Variants in SGPP1 observed in about 807,000 individuals in gnomAD.
SGPP1 encodes the protein hSPP1.
A neutral mutation model predicts 33.0 loss-of-function variants in SGPP1; 21 were observed. That is an observed-to-expected ratio of 0.64 (90% CI 0.45 to 0.92). The LOEUF (loss-of-function observed/expected upper bound fraction) is 0.92, where lower values mean the gene tolerates loss of function less well. Among genes scored for constraint, SGPP1 ranks in the 40% least tolerant of loss-of-function variants. The pLI, the probability that SGPP1 is intolerant of heterozygous loss-of-function variation, is 0.00. For synonymous variants in SGPP1, 239 were observed against 241.2 expected (o/e 0.99, Z 0.08); for missense variants, 543 against 589.4 (o/e 0.92, Z 0.81).
rs114745483 is a variant in SGPP1, at chr14:63,713,115, T to C, written c.684+14146A>G. On this transcript the variant is annotated intron_variant, in intron 1 of 2. Transcript: ENST00000247225. ...TATGCTGATGACAAGAAACTGGTCC[T>C]GATCTTCATGTATAGAACCATCTCC... Among the ~76,000 whole-genome samples, 1,141 of 152,194 alleles carry C rather than the reference T, an allele frequency of 7.5e-3. 13 individuals are homozygous for C. The highest frequency in any genetic ancestry group is 0.026 in the African/African-American group (1,092 of 41,518).
intron 2 of SGPP1, among the ~76,000 whole-genome samples, chr14:63,693,019 C>G (rs1983964): frequency 4.6e-5 from 7 of 152,076 alleles, no homozygotes; most frequent in African/African-American, 1.7e-4. Context: ...ACCACAGCCT[C>G]GACTTCCTGG....
At chr14:63,689,173 T>C (rs999815499) in intron 2 of SGPP1, among the ~76,000 whole-genome samples, 1 of 152,206 alleles carries the variant, frequency 6.6e-6, no homozygotes, top group Non-Finnish European at 1.5e-5. Context: ...ATGAAATCAC[T>C]TCCCAACAAA....
intron 1 of SGPP1, among the ~76,000 whole-genome samples, chr14:63,725,174 A>G (rs1238540350): frequency 1.3e-5 from 2 of 152,200 alleles, no homozygotes; most frequent in Non-Finnish European, 2.9e-5. Flanking sequence ...GGAGTTCAAG[A>G]CCAGCTTGGC....
At chr14:63,696,045 T>C (rs1277757928) in intron 2 of SGPP1, among the ~76,000 whole-genome samples, 1 of 152,198 alleles carries the variant, frequency 6.6e-6, no homozygotes, top group Non-Finnish European at 1.5e-5. Context: ...CCCAGGACTT[T>C]GGGAGGCCGA....
At chr14:63,702,634 T>C (rs895238417) in intron 1 of SGPP1, among the ~76,000 whole-genome samples, 3 of 152,068 alleles carry the variant, frequency 2.0e-5, no homozygotes, top group African/African-American at 7.2e-5. Flanking sequence ...CGCTTGAACC[T>C]GGGAGGCAGA....
At chr14:63,694,168 G>A (rs888924576) in intron 2 of SGPP1, among the ~76,000 whole-genome samples, 23 of 151,948 alleles carry the variant, frequency 1.5e-4, no homozygotes, top group Non-Finnish European at 2.9e-4. Flanking sequence ...CAACTACTTG[G>A]GAGGCTGAAG....
At position 63,685,889 on chromosome 14, in the gene SGPP1, T is replaced by A. The variant is rs760550307; in HGVS notation, c.*216A>T. 1 of 334,028 alleles carries A rather than the reference T, an allele frequency of 3.0e-6. No individual in the cohort carries two copies. Among genetic ancestry groups the A allele is most frequent in the African/African-American group, 2.2e-5 (1 of 46,490 alleles). 20.7% of individuals were successfully genotyped at this position (334,028 alleles called of 1,614,324 possible). A position where few individuals can be genotyped will look rare whatever the true frequency, so the allele number is the denominator to read the frequency against. On this transcript the variant is annotated 3_prime_UTR_variant, in exon 3 of 3. Coordinates refer to ENST00000247225, the MANE Select transcript of SGPP1 (RefSeq NM_030791.4). The stretch of plus-strand genomic sequence containing the variant: ...ACATTACATGAACATTCTAAATGGA[T>A]ACTTATCATTTTCTCAGTAACGAAA...
chr14:63,725,534 G>A (rs556903956), intron 1 of SGPP1, among the ~76,000 whole-genome samples: 3 of 152,176 alleles, frequency 2.0e-5, no homozygotes, highest in South Asian at 2.1e-4. Flanking sequence ...TCTAACATCC[G>A]GTCTACTTCA....
chr14:63,723,436 T>C (rs549458939), intron 1 of SGPP1, among the ~76,000 whole-genome samples: 1 of 152,082 alleles, frequency 6.6e-6, no homozygotes, highest in African/African-American at 2.4e-5. Context: ...TTAAAAAAAT[T>C]CAGGCAGGGT....
chr14:63,689,074 T>C (rs1017393723), intron 2 of SGPP1, among the ~76,000 whole-genome samples: 4 of 152,202 alleles, frequency 2.6e-5, no homozygotes, highest in African/African-American at 9.7e-5. Context: ...AGTTGCTTGA[T>C]GTTTCTGTCT....
chr14:63,688,587 G>A (rs1331212855), intron 2 of SGPP1, among the ~76,000 whole-genome samples: 1 of 151,970 alleles, frequency 6.6e-6, no homozygotes, highest in African/African-American at 2.4e-5. Flanking sequence ...TACTATTACT[G>A]AAAAACTTAT....
Position 63,696,683 on chromosome 14 carries a change from G to T in SGPP1, c.774+1886C>A, listed in dbSNP as rs140749710. Among the ~76,000 whole-genome samples the T allele has an allele frequency of 4.3e-3, 658 of 152,200 alleles. 7 individuals carry two copies. The highest frequency in any genetic ancestry group is 0.015 in the African/African-American group (606 of 41,528). On this transcript the variant is annotated intron_variant, in intron 2 of 2. Coordinates refer to ENST00000247225, the MANE Select transcript of SGPP1 (RefSeq NM_030791.4). The stretch of plus-strand genomic sequence containing the variant: ...ATAAAAAGTCAAACACAAATAATTT[G>T]TTTATTAAAATAGTGTTTAGGGCTG...
chr14:63,687,741 C>T (rs1885008918), intron 2 of SGPP1, among the ~76,000 whole-genome samples: 1 of 152,150 alleles, frequency 6.6e-6, no homozygotes, highest in Non-Finnish European at 1.5e-5. Context: ...TGGCTCATGC[C>T]TATAATCCCA....
At chr14:63,688,539 C>T (rs1255581568) in intron 2 of SGPP1, among the ~76,000 whole-genome samples, 2 of 151,714 alleles carry the variant, frequency 1.3e-5, no homozygotes, top group Non-Finnish European at 2.9e-5. Flanking sequence ...AAAAATGTTC[C>T]GTATTTCTAC....
At chr14:63,704,477 A>T (rs1885365760) in intron 1 of SGPP1, among the ~76,000 whole-genome samples, 1 of 152,232 alleles carries the variant, frequency 6.6e-6, no homozygotes, top group Non-Finnish European at 1.5e-5. Context: ...CAAAATGATG[A>T]AGTTGGACTC....
intron 1 of SGPP1, among the ~76,000 whole-genome samples, chr14:63,724,859 G>C (rs1885845506): frequency 6.6e-6 from 1 of 150,932 alleles, no homozygotes; most frequent in African/African-American, 2.4e-5. Flanking sequence ...TCCAGCCTGG[G>C]CAACAGAGCG....
intron 1 of SGPP1, among the ~76,000 whole-genome samples, chr14:63,724,657 G>A (rs1273393996): frequency 1.3e-5 from 2 of 151,022 alleles, no homozygotes; most frequent in East Asian, 3.9e-4. Flanking sequence ...AGGAAAAGGA[G>A]GCCAGGCGCG....
chr14:63,728,058 C>G lies in SGPP1; in HGVS notation c.-114G>C, dbSNP rs1885931526. 5.3e-6 allele frequency: 6 copies of G among 1,123,224 alleles called. No homozygotes were observed. Among genetic ancestry groups the G allele is most frequent in the Non-Finnish European group, 5.6e-6 (5 of 891,552 alleles). The allele number at this position is 1,123,224 out of a possible 1,614,324, so 69.6% of individuals were successfully genotyped here. A position where few individuals can be genotyped will look rare whatever the true frequency, so the allele number is the denominator to read the frequency against. On this transcript the variant is annotated 5_prime_UTR_variant, in exon 1 of 3. Transcript: ENST00000247225. ...CAGCGCTCTACCCTCCGGAGTCTGCCGGGTGACGGCGCCACAGGCCGCGCG... is the reference window on the plus strand; with the variant it reads ...CAGCGCTCTACCCTCCGGAGTCTGCGGGGTGACGGCGCCACAGGCCGCGCG...
intron 1 of SGPP1, among the ~76,000 whole-genome samples, chr14:63,726,765 G>T (rs1885890254): frequency 6.6e-6 from 1 of 152,152 alleles, no homozygotes; most frequent in South Asian, 2.1e-4. Context: ...TTCATTGCTT[G>T]GAACTAGCAT....
Sources: allele counts gnomAD v4.1 joint callset (sites outside exome capture counted in the v4.1 genomes callset), GRCh38; gene constraint gnomAD v4.1.1; transcripts MANE v1.5; gene names NCBI Gene and HGNC (gene_info 2026-07-23, HGNC 2026-07-21).